The following SH2D5 variants were observed in gnomAD, a reference collection of about 807,000 sequenced individuals.
SH2D5 encodes the protein SH2 domain containing 5.
In SH2D5, 45 loss-of-function variants were observed where a neutral mutation model predicts 48.2. That is an observed-to-expected ratio of 0.93 (90% CI 0.73 to 1.20). SH2D5 has a LOEUF of 1.20. Among genes scored for constraint, SH2D5 ranks in the 50% most tolerant of loss-of-function variants. SH2D5 has a pLI of 0.00. For missense variants in SH2D5, 538 were observed against 584.1 expected, an observed-to-expected ratio of 0.92 and a Z score of 0.81; for synonymous variants, 230 against 249.8, an observed-to-expected ratio of 0.92 and a Z score of 0.75.
rs573818427 is a variant in SH2D5, at chr1:20,727,649, G to A, written c.88-46C>T. 33 of 1,520,610 alleles carry A rather than the reference G, an allele frequency of 2.2e-5. 1 individual carries two copies. The highest frequency in any genetic ancestry group is 6.8e-5 in the African/African-American group (5 of 73,220). 94.2% of individuals were successfully genotyped at this position (1,520,610 alleles called of 1,614,324 possible). ...GGGAGTAAGGCGGGGAGTCAGGCCC[G>A]TGGCTCCTAACCCCATCCTCCAAAT... On this transcript the variant is annotated intron_variant, in intron 2 of 9. Coordinates refer to ENST00000444387, the MANE Select transcript of SH2D5 (RefSeq NM_001103161.2).
rs759062962 is a variant in SH2D5, at chr1:20,728,003, G to T, written c.42C>A (p.Cys14Ter). 2 of 1,567,650 alleles carry T rather than the reference G, an allele frequency of 1.3e-6. No individual in the cohort carries two copies. Among genetic ancestry groups the T allele is most frequent in the East Asian group, 2.4e-5 (1 of 42,380 alleles). ...ACCTGGGCCGGTGAGGGGCCAGCCCGCAGTCAGAGGCCCTGCGGCCCCCAG... is the reference window on the plus strand; with the variant it reads ...ACCTGGGCCGGTGAGGGGCCAGCCCTCAGTCAGAGGCCCTGCGGCCCCCAG... ...AGAGGRRASD[C>*]GLAPHRPRCI... is the part of the protein sequence containing the mutation. The change falls in exon 2 of 10, where the codon TGC becomes TGA. Residue 14 changes from cysteine to a stop codon, truncating the protein, a stop_gained. Coordinates refer to ENST00000444387, the MANE Select transcript of SH2D5 (RefSeq NM_001103161.2). LOFTEE classifies it high-confidence loss of function. This position sits in a 1 kb window ranked among gnomAD's most constrained non-coding sequence, Gnocchi z 4.3.
chr1:20,723,471 G>A (rs539596597), intron 8 of SH2D5, among the ~76,000 whole-genome samples, 155 bp downstream of exon 8: 12 of 152,228 alleles, frequency 7.9e-5, no homozygotes, highest in Non-Finnish European at 1.5e-4. Context: ...TAGAGAAAAT[G>A]GAGGCCCAGG....
Position 20,732,254 on chromosome 1 carries a change from C to G in SH2D5, c.-116G>C, listed in dbSNP as rs1212998817. ...CGGCCGCGAGGGGCCCTGGCACTGC[C>G]CACGCCCGGCGCTCCGCCTGGAAGG... is the stretch of plus-strand genomic sequence containing the variant. On this transcript the variant is annotated 5_prime_UTR_variant, in exon 1 of 10. Transcript: ENST00000444387. This position sits in a 1 kb window ranked among gnomAD's most constrained non-coding sequence, Gnocchi z 5.1. 6.6e-6 allele frequency: 1 copy of G among 152,200 alleles called. No individual in the cohort carries two copies. The highest frequency in any genetic ancestry group is 1.5e-5 in the Non-Finnish European group (1 of 68,034). 9.4% of individuals were successfully genotyped at this position (152,200 alleles called of 1,614,324 possible). A position where few individuals can be genotyped will look rare whatever the true frequency, so the allele number is the denominator to read the frequency against.
At position 20,732,656 on chromosome 1, in the gene SH2D5, A is replaced by ATCC. The variant is rs1249014417; in HGVS notation, c.-521_-519dup. ...CCTTGTGAGTGGAGGGTCGTTGCGC[A>ATCC]TCCTCCTCCTCACTTTCTTCCTGCC... On this transcript the variant is annotated 5_prime_UTR_variant, in exon 1 of 10. It adds an upstream start codon to the 5' untranslated region. Coordinates refer to ENST00000444387, the MANE Select transcript of SH2D5 (RefSeq NM_001103161.2). This position sits in a 1 kb window ranked among gnomAD's most constrained non-coding sequence, Gnocchi z 5.1. 6.6e-6 allele frequency: 1 copy of ATCC among 152,226 alleles called. No homozygotes were observed. The highest frequency in any genetic ancestry group is 1.5e-5 in the Non-Finnish European group (1 of 68,060). 9.4% of individuals were successfully genotyped at this position (152,226 alleles called of 1,614,324 possible). A position where few individuals can be genotyped will look rare whatever the true frequency, so the allele number is the denominator to read the frequency against.
chr1:20,725,350 G>A (rs937659871), intron 5 of SH2D5, among the ~76,000 whole-genome samples: 2 of 152,222 alleles, frequency 1.3e-5, no homozygotes, highest in South Asian at 2.1e-4. Context: ...CCTGCCAAGC[G>A]CCTAGCTGCC....
At chr1:20,722,100 C>G (rs372989980) in intron 9 of SH2D5, 105 bp from the exon 10 acceptor site, 1 of 1,090,418 alleles carries the variant, frequency 9.2e-7, no homozygotes, top group African/African-American at 1.6e-5. Context: ...GAGCAGGGAA[C>G]GGAGCCCAGA....
intron 8 of SH2D5, 57 bp from the exon 9 acceptor site, chr1:20,722,972 TGAG>T: frequency 7.0e-7 from 1 of 1,425,288 alleles, no homozygotes; most frequent in Non-Finnish European, 9.3e-7. Context: ...GCAATGGTCA[TGAG>T]GACCCCAGCA....
rs2054863639 is a variant in SH2D5, at chr1:20,729,240, C to T, written c.-42-1154G>A. On this transcript the variant is annotated intron_variant, in intron 1 of 9. Coordinates refer to ENST00000444387, the MANE Select transcript of SH2D5 (RefSeq NM_001103161.2). This position sits in a 1 kb window ranked among gnomAD's most constrained non-coding sequence, Gnocchi z 4.2. ...TCCAAGAAAGAATGGCTAAATGCCT[C>T]TGGCGAGGTCCCCCAGGACTCAGCT... Among the ~76,000 whole-genome samples the T allele has an allele frequency of 6.6e-6, 1 of 152,220 alleles. No homozygotes were observed. The highest frequency in any genetic ancestry group is 2.1e-4 in the South Asian group (1 of 4,832).
At position 20,720,660 on chromosome 1, in the gene SH2D5, C is replaced by T. The variant is rs950598421; in HGVS notation, c.*1132G>A. On this transcript the variant is annotated 3_prime_UTR_variant, in exon 10 of 10. Coordinates refer to ENST00000444387, the MANE Select transcript of SH2D5 (RefSeq NM_001103161.2). ...ACAAAGAGGGTTTGTCAGTCACTGG[C>T]AGGACCACTGCCTCACACTAGAGTC... 2 of 152,276 alleles carry T rather than the reference C, an allele frequency of 1.3e-5. No individual in the cohort carries two copies. The highest frequency in any genetic ancestry group is 1.3e-4 in the Admixed American group (2 of 15,288). 9.4% of individuals were successfully genotyped at this position (152,276 alleles called of 1,614,324 possible).
rs765488875 is a variant in SH2D5, at chr1:20,728,444, C to T, written c.-42-358G>A. On this transcript the variant is annotated intron_variant, in intron 1 of 9. Coordinates refer to ENST00000444387, the MANE Select transcript of SH2D5 (RefSeq NM_001103161.2). The surrounding 1 kb of genome is among the most constrained non-coding windows in gnomAD (Gnocchi z 4.3). ...CTGGGTCAAGATCTGAAGGGTGTGG[C>T]GGTACATGCCCAGGGTCACTCAAAA... 2.6e-5 allele frequency among the ~76,000 whole-genome samples: 4 copies of T among 152,074 alleles called. No individual in the cohort carries two copies. The highest frequency in any genetic ancestry group is 4.4e-5 in the Non-Finnish European group (3 of 68,006).
At chr1:20,723,977 C>T in intron 7 of SH2D5, 106 bp downstream of exon 7, 1 of 1,430,700 alleles carries the variant, frequency 7.0e-7, no homozygotes, top group Non-Finnish European at 9.5e-7. Flanking sequence ...GGAGGTGCGG[C>T]CACAGCCTTG....
Position 20,728,226 on chromosome 1 carries a change from C to A in SH2D5, c.-42-140G>T. The stretch of plus-strand genomic sequence containing the variant: ...GCGCAATGTCCCGGGCCCTGGGGAG[C>A]CAGCCCAGAAGAAAATGATGACGTC... On this transcript the variant is annotated intron_variant, in intron 1 of 9. Transcript: ENST00000444387. This position sits in a 1 kb window ranked among gnomAD's most constrained non-coding sequence, Gnocchi z 4.3. 1.7e-6 allele frequency: 1 copy of A among 595,340 alleles called. No individual in the cohort carries two copies. Among genetic ancestry groups the A allele is most frequent in the Non-Finnish European group, 3.0e-6 (1 of 334,192 alleles). The allele number at this position is 595,340 out of a possible 1,614,324, so 36.9% of individuals were successfully genotyped here. A position where few individuals can be genotyped will look rare whatever the true frequency, so the allele number is the denominator to read the frequency against.
At position 20,723,739 on chromosome 1, in the gene SH2D5, G is replaced by A; in HGVS notation, c.800-5C>T. Reference sequence around the variant, plus strand: ...ATGCCTCCCATGCGGCAGGAACTGTGGAGACCATCCAGGAGTCAGAAGGAG... The same window carrying A: ...ATGCCTCCCATGCGGCAGGAACTGTAGAGACCATCCAGGAGTCAGAAGGAG... On this transcript the variant is annotated splice_polypyrimidine_tract_variant and splice_region_variant and intron_variant, in intron 7 of 9. Transcript: ENST00000444387. 2 of 1,610,770 alleles carry A rather than the reference G, an allele frequency of 1.2e-6. No homozygotes were observed. The highest frequency in any genetic ancestry group is 1.3e-5 in the African/African-American group (1 of 74,992).
rs2054710773 is a variant in SH2D5, at chr1:20,722,753, T to G, written c.1068+3A>C. On this transcript the variant is annotated splice_donor_region_variant and intron_variant, in intron 9 of 9. Coordinates refer to ENST00000444387, the MANE Select transcript of SH2D5 (RefSeq NM_001103161.2). ...CAGGCCCCTCTGGCTGCTGCGCTCT[T>G]ACCTCCAAGCAGTAGCGGCCCAGGT... is the stretch of plus-strand genomic sequence containing the variant. 1 of 1,482,884 alleles carries G rather than the reference T, an allele frequency of 6.7e-7. No individual in the cohort carries two copies. The highest frequency in any genetic ancestry group is 1.4e-5 in the African/African-American group (1 of 70,688). The allele number at this position is 1,482,884 out of a possible 1,614,324, so 91.9% of individuals were successfully genotyped here. A position where few individuals can be genotyped will look rare whatever the true frequency, so the allele number is the denominator to read the frequency against.
chr1:20,722,648 T>C (rs954064265), intron 9 of SH2D5, 108 bp downstream of exon 9: 24 of 1,162,254 alleles, frequency 2.1e-5, no homozygotes, highest in Non-Finnish European at 2.6e-5. Flanking sequence ...GGGATGGGGG[T>C]GAGGCACATT....
At chr1:20,727,838 C>T in intron 2 of SH2D5, 120 bp downstream of exon 2, 1 of 961,660 alleles carries the variant, frequency 1.0e-6, no homozygotes, top group South Asian at 1.4e-5. Flanking sequence ...ACTCCCCAGC[C>T]CAAGTCAGGC....
intron 3 of SH2D5, 47 bp downstream of exon 3, chr1:20,727,476 T>G: frequency 6.5e-7 from 1 of 1,532,800 alleles, no homozygotes; most frequent in Non-Finnish European, 8.9e-7. Context: ...TACCTGGTCT[T>G]CAAGGCTGTG....
At position 20,732,378 on chromosome 1, in the gene SH2D5, C is replaced by T. The variant is rs2054925772; in HGVS notation, c.-240G>A. ...TCACGGGTCCCTCCTCCTGGAGGGC[C>T]TCTGCCCCTCCCCTCTCTGGCTGGC... On this transcript the variant is annotated 5_prime_UTR_variant, in exon 1 of 10. Coordinates refer to ENST00000444387, the MANE Select transcript of SH2D5 (RefSeq NM_001103161.2). This position sits in a 1 kb window ranked among gnomAD's most constrained non-coding sequence, Gnocchi z 5.1. 2 of 152,270 alleles carry T rather than the reference C, an allele frequency of 1.3e-5. No homozygotes were observed. The highest frequency in any genetic ancestry group is 4.8e-5 in the African/African-American group (2 of 41,460). The allele number at this position is 152,270 out of a possible 1,614,324, so 9.4% of individuals were successfully genotyped here.
chr1:20,726,399 G>A (rs891807177), intron 4 of SH2D5, among the ~76,000 whole-genome samples: 2 of 152,176 alleles, frequency 1.3e-5, no homozygotes, highest in African/African-American at 4.8e-5. Context: ...TGACGTGTCA[G>A]GTAGGGAGAT....
Sources: gnomAD v4.1 joint callset for allele counts (sites outside exome capture counted in the v4.1 genomes callset) on GRCh38, gnomAD v4.1.1 for gene constraint, Gnocchi (gnomAD v3.1) non-coding constraint, MANE v1.5 for transcripts, NCBI Gene and HGNC (gene_info 2026-07-23, HGNC 2026-07-21) for gene names.